OR4C46: variants seen among roughly 807,000 people sequenced by gnomAD.
OR4C46 encodes olfactory receptor 4C46.
In OR4C46, 17 loss-of-function variants were observed where a neutral mutation model predicts 11.8. The ratio of observed to expected loss-of-function variants is 1.44; its 90% confidence interval spans 0.98 to 2.16. The LOEUF (loss-of-function observed/expected upper bound fraction) is 2.16, where lower values mean the gene tolerates loss of function less well. OR4C46 is among the 30% of genes most tolerant of loss of function. OR4C46 has a pLI of 0.00. For synonymous variants in OR4C46, 224 were observed against 137.6 expected (o/e 1.63, Z -4.39); for missense variants, 606 against 372.1 (o/e 1.63, Z -5.17).
In OR4C46 at chr11:54,603,534, G is replaced by A. The variant is rs1283727803; in HGVS notation, c.465C>T (p.Thr155=). 3.1e-6 allele frequency: 5 copies of A among 1,613,626 alleles called. No homozygotes were observed. The Admixed American group carries it at 8.3e-5, about 27-fold the overall frequency. The part of the protein sequence containing the change: ...VVWMGGFLHA[T]IQILFIFQLP... ...ATTGGAAGATGAAGAGGATCTGTAT[G>A]GTTGCATGAAGAAAGCCTCCCATCC... is the stretch of plus-strand genomic sequence containing the variant. The change falls in exon 1 of 1, where the codon ACC becomes ACT. Residue 155 remains threonine, a synonymous_variant. Transcript: ENST00000328188.
Position 54,603,939 on chromosome 11 carries a change from C to T in OR4C46, c.60G>A (p.Lys20=), listed in dbSNP as rs1415714636. 1 of 1,613,822 alleles carries T rather than the reference C, an allele frequency of 6.2e-7. No individual in the cohort carries two copies. The highest frequency in any genetic ancestry group is 8.5e-7 in the Non-Finnish European group (1 of 1,179,756). Reference sequence around the variant, plus strand: ...ACACAACAAATATGATTTTCTGCATCTTTGGATTCTCTGTAAGCCCCAGCA... The same window carrying T: ...ACACAACAAATATGATTTTCTGCATTTTTGGATTCTCTGTAAGCCCCAGCA... ...FVLLGLTENP[K]MQKIIFVVFF... Residue 20 remains lysine (K), a synonymous_variant, in exon 1 of 1, where the codon AAG becomes AAA. Transcript: ENST00000328188.
At position 54,603,439 on chromosome 11, in the gene OR4C46, C is replaced by T; in HGVS notation, c.560G>A (p.Cys187Tyr). 6.2e-7 allele frequency: 1 copy of T among 1,613,694 alleles called. No homozygotes were observed. The highest frequency in any genetic ancestry group is 8.5e-7 in the Non-Finnish European group (1 of 1,179,760). ...GAGTTCCAGCATATGGGTGTCAGTG[C>T]AGGCGAGGTTGAGCAAAGGGTTCAG... ...CDLNPLLNLA[C>Y]TDTHMLELFI... The change falls in exon 1 of 1, where the codon TGC becomes TAC. Residue 187 changes from cysteine (C) to tyrosine (Y), a missense_variant. By Grantham distance (194) the Cys-to-Tyr change is radical. Transcript: ENST00000328188.
In OR4C46 at chr11:54,603,241, A is replaced by G. The variant is rs749955784; in HGVS notation, c.758T>C (p.Ile253Thr). 6.2e-7 allele frequency: 1 copy of G among 1,612,428 alleles called. No homozygotes were observed. The highest frequency in any genetic ancestry group is 1.7e-4 in the Middle Eastern group (1 of 6,054). Residue 253 changes from isoleucine (I) to threonine (T), a missense_variant, in exon 1 of 1, where the codon ATA becomes ACA. Coordinates refer to ENST00000328188, the MANE Select transcript of OR4C46 (RefSeq NM_001004703.1). ...AGCTGCAGGTCTCATGTACACAAAT[A>G]TGCAGGGCACAAAGAATAAGATGAC... ...TVVILFFVPC[I>T]FVYMRPAATL... is the part of the protein sequence containing the mutation.
In OR4C46 at chr11:54,603,395, C is replaced by A; in HGVS notation, c.604G>T (p.Gly202Ter). 6.2e-7 allele frequency: 1 copy of A among 1,613,740 alleles called. No individual in the cohort carries two copies. The highest frequency in any genetic ancestry group is 1.1e-5 in the South Asian group (1 of 91,058). The change falls in exon 1 of 1, where the codon GGA becomes TGA. Residue 202 changes from glycine to a stop codon, truncating the protein, a stop_gained. Transcript: ENST00000328188. LOFTEE classifies it high-confidence loss of function. ...MLELFIAANS[G>*]FICLLNFALL... is the part of the protein sequence containing the mutation. ...GCAAAGTTTAACAAGCAGATGAATC[C>A]ACTGTTGGCAGCAATGAAGAGTTCC...
At position 54,603,769 on chromosome 11, in the gene OR4C46, G is replaced by A. The variant is rs771873723; in HGVS notation, c.230C>T (p.Pro77Leu). The change falls in exon 1 of 1, where the codon CCT (proline) becomes CTT (leucine). Residue 77 changes from proline (P) to leucine (L), a missense_variant. Coordinates refer to ENST00000328188, the MANE Select transcript of OR4C46 (RefSeq NM_001004703.1). ...IDACYSSVNT[P>L]NLITHSLYGK... Reference sequence around the variant, plus strand: ...ATAGAGTGAATGTGTGATCAGGTTAGGGGTATTGACAGAGGAATAGCAGGC... The same window carrying A: ...ATAGAGTGAATGTGTGATCAGGTTAAGGGTATTGACAGAGGAATAGCAGGC... 3.1e-6 allele frequency: 5 copies of A among 1,613,736 alleles called. No homozygotes were observed. The highest frequency in any genetic ancestry group is 2.2e-5 in the East Asian group (1 of 44,868).
rs137991158 is a variant in OR4C46 at position 54,603,271 on chromosome 11, G to T, written c.728C>A (p.Thr243Lys). The change falls in exon 1 of 1, where the codon ACG (threonine) becomes AAG (lysine). Residue 243 changes from threonine to lysine, a missense_variant. By Grantham distance (78) the Thr-to-Lys change is moderately conservative. Coordinates refer to ENST00000328188, the MANE Select transcript of OR4C46 (RefSeq NM_001004703.1). ...KALSTCVSHI[T>K]VVILFFVPCI... ...GGGCACAAAGAATAAGATGACAACCGTGATGTGGGAGACACAGGTGGAGAG... is the reference window on the plus strand; with the variant it reads ...GGGCACAAAGAATAAGATGACAACCTTGATGTGGGAGACACAGGTGGAGAG... 25 of 1,613,180 alleles carry T rather than the reference G, an allele frequency of 1.5e-5. No homozygotes were observed. The highest frequency in any genetic ancestry group is 2.0e-5 in the Non-Finnish European group (23 of 1,179,398).
In OR4C46 at chr11:54,603,271, G is replaced by A. The variant is rs137991158; in HGVS notation, c.728C>T (p.Thr243Met). ...KALSTCVSHITVVILFFVPCI... is the reference protein window; with the variant it reads ...KALSTCVSHIMVVILFFVPCI... ...GGGCACAAAGAATAAGATGACAACC[G>A]TGATGTGGGAGACACAGGTGGAGAG... is the stretch of plus-strand genomic sequence containing the variant. The change falls in exon 1 of 1, where the codon ACG becomes ATG. Residue 243 changes from threonine to methionine, a missense_variant. Physicochemically the swap from Thr to Met is moderately conservative, Grantham distance 81. Transcript: ENST00000328188. 34 of 1,613,294 alleles carry A rather than the reference G, an allele frequency of 2.1e-5. 1 individual carries two copies. The highest frequency in any genetic ancestry group is 2.0e-4 in the Admixed American group (12 of 59,982).
rs371690134 is a variant in OR4C46, at chr11:54,603,344, T to C, written c.655A>G (p.Ile219Val). ...CTATGAGTCCTTAGGGAGCACAAGATGACCACATAGGAGACCAGCAGGAGG... is the reference window on the plus strand; with the variant it reads ...CTATGAGTCCTTAGGGAGCACAAGACGACCACATAGGAGACCAGCAGGAGG... ...FALLLVSYVV[I>V]LCSLRTHSLE... The change falls in exon 1 of 1, where the codon ATC (isoleucine) becomes GTC (valine). Residue 219 changes from isoleucine (I) to valine (V), a missense_variant. Coordinates refer to ENST00000328188, the MANE Select transcript of OR4C46 (RefSeq NM_001004703.1). 9.9e-6 allele frequency: 16 copies of C among 1,613,692 alleles called. No individual in the cohort carries two copies. The highest frequency in any genetic ancestry group is 1.4e-5 in the Non-Finnish European group (16 of 1,179,840).
At position 54,603,508 on chromosome 11, in the gene OR4C46, A is replaced by T; in HGVS notation, c.491T>A (p.Leu164Ter). The part of the protein sequence containing the change: ...ATIQILFIFQ[L>*]PFCGPNVIDH... ...TATGACATTAGGACCACAGAAAGGT[A>T]ATTGGAAGATGAAGAGGATCTGTAT... Residue 164 changes from leucine to a stop codon, truncating the protein, a stop_gained, in exon 1 of 1, where the codon TTA (leucine) becomes TAA (stop). Coordinates refer to ENST00000328188, the MANE Select transcript of OR4C46 (RefSeq NM_001004703.1). LOFTEE classifies it high-confidence loss of function. 6.2e-7 allele frequency: 1 copy of T among 1,613,698 alleles called. No homozygotes were observed. The highest frequency in any genetic ancestry group is 8.5e-7 in the Non-Finnish European group (1 of 1,179,674).
At position 54,603,911 on chromosome 11, in the gene OR4C46, A is replaced by C. The variant is rs1277721970; in HGVS notation, c.88T>G (p.Phe30Val). The C allele has an allele frequency of 6.2e-7, 1 of 1,613,704 alleles. No homozygotes were observed. The highest frequency in any genetic ancestry group is 8.5e-7 in the Non-Finnish European group (1 of 1,179,836). ...KMQKIIFVVF[F>V]VIYIITVVGY... ...ACCACAGTGATGATATAGATGACAA[A>C]AAACACAACAAATATGATTTTCTGC... Residue 30 changes from phenylalanine to valine, a missense_variant, in exon 1 of 1, where the codon TTT (phenylalanine) becomes GTT (valine). By Grantham distance (50) the Phe-to-Val change is conservative. Coordinates refer to ENST00000328188, the MANE Select transcript of OR4C46 (RefSeq NM_001004703.1).
At position 54,603,823 on chromosome 11, in the gene OR4C46, A is replaced by G. The variant is rs755794716; in HGVS notation, c.176T>C (p.Leu59Pro). 1.9e-6 allele frequency: 3 copies of G among 1,613,634 alleles called. No individual in the cohort carries two copies. The highest frequency in any genetic ancestry group is 1.7e-6 in the Non-Finnish European group (2 of 1,179,836). The change falls in exon 1 of 1, where the codon CTT becomes CCT. Residue 59 changes from leucine (L) to proline (P), a missense_variant. Coordinates refer to ENST00000328188, the MANE Select transcript of OR4C46 (RefSeq NM_001004703.1). ...ASPSLGSPMY[L>P]SLAYLSFIDA... ...AATAAAGGAGAGATAGGCCAGGGAA[A>G]GGTACATGGGGGACCCCAGTGATGG... is the stretch of plus-strand genomic sequence containing the variant.
In OR4C46 at chr11:54,603,585, C is replaced by T. The variant is rs755817942; in HGVS notation, c.414G>A (p.Val138=). The T allele has an allele frequency of 3.7e-6, 6 of 1,614,130 alleles. No homozygotes were observed. The South Asian group carries it at 6.6e-5, about 18-fold the overall frequency. ...ACACCACTCCCATTAGCAGGGCACACACACACTGGTTCATGATAGTCATAT... is the reference window on the plus strand; with the variant it reads ...ACACCACTCCCATTAGCAGGGCACATACACACTGGTTCATGATAGTCATAT... ...LHYMTIMNQC[V]CALLMGVVWM... Residue 138 remains valine (V), a synonymous_variant, in exon 1 of 1, where the codon GTG becomes GTA. Transcript: ENST00000328188.
In OR4C46 at chr11:54,603,320, TATGAGTCCTTAGGGAG is replaced by T; in HGVS notation, c.663_678del (p.Cys221Ter). 3 of 1,613,726 alleles carry T rather than the reference TATGAGTCCTTAGGGAG, an allele frequency of 1.9e-6. No individual in the cohort carries two copies. Among genetic ancestry groups the T allele is most frequent in the Non-Finnish European group, 2.5e-6 (3 of 1,179,812 alleles). ...AGGGCTTTGTGCCTTGCCTCCAAGC[TATGAGTCCTTAGGGAG>T]CACAAGATGACCACATAGGAGACCA... On this transcript the variant is annotated frameshift_variant, in exon 1 of 1. Transcript: ENST00000328188. LOFTEE classifies it high-confidence loss of function.
chr11:54,603,874 A>G lies in OR4C46; in HGVS notation c.125T>C (p.Leu42Pro). 1 of 1,613,674 alleles carries G rather than the reference A, an allele frequency of 6.2e-7. No individual in the cohort carries two copies. ...GCTGGCAGTGATGGTGACCACAATGAGCACATATCCCACCACAGTGATGAT... is the reference window on the plus strand; with the variant it reads ...GCTGGCAGTGATGGTGACCACAATGGGCACATATCCCACCACAGTGATGAT... ...IYIITVVGYVLIVVTITASPS... is the reference protein window; with the variant it reads ...IYIITVVGYVPIVVTITASPS... The change falls in exon 1 of 1, where the codon CTC (leucine) becomes CCC (proline). Residue 42 changes from leucine (L) to proline (P), a missense_variant. Transcript: ENST00000328188.
At position 54,603,876 on chromosome 11, in the gene OR4C46, C is replaced by G; in HGVS notation, c.123G>C (p.Val41=). 1 of 1,613,546 alleles carries G rather than the reference C, an allele frequency of 6.2e-7. No homozygotes were observed. Among genetic ancestry groups the G allele is most frequent in the Non-Finnish European group, 8.5e-7 (1 of 1,179,794 alleles). Residue 41 remains valine, a synonymous_variant, in exon 1 of 1, where the codon GTG becomes GTC. Coordinates refer to ENST00000328188, the MANE Select transcript of OR4C46 (RefSeq NM_001004703.1). ...TGGCAGTGATGGTGACCACAATGAG[C>G]ACATATCCCACCACAGTGATGATAT... ...VIYIITVVGY[V]LIVVTITASP... is the part of the protein sequence containing the mutation.
Position 54,603,233 on chromosome 11 carries a change from A to G in OR4C46, c.766T>C (p.Tyr256His). 4 of 1,611,872 alleles carry G rather than the reference A, an allele frequency of 2.5e-6. No individual in the cohort carries two copies. Among genetic ancestry groups the G allele is most frequent in the Non-Finnish European group, 3.4e-6 (4 of 1,178,136 alleles). The change falls in exon 1 of 1, where the codon TAC becomes CAC. Residue 256 changes from tyrosine to histidine, a missense_variant. Tyr to His is a moderately conservative substitution (Grantham distance 83). Coordinates refer to ENST00000328188, the MANE Select transcript of OR4C46 (RefSeq NM_001004703.1). The part of the protein sequence containing the change: ...ILFFVPCIFV[Y>H]MRPAATLPID... ...GGTAAAGTAGCTGCAGGTCTCATGT[A>G]CACAAATATGCAGGGCACAAAGAAT...
chr11:54,603,329 T>A lies in OR4C46; in HGVS notation c.670A>T (p.Arg224Trp). 6.2e-7 allele frequency: 1 copy of A among 1,613,670 alleles called. No homozygotes were observed. Among genetic ancestry groups the A allele is most frequent in the South Asian group, 1.1e-5 (1 of 91,048 alleles). The change falls in exon 1 of 1, where the codon AGG (arginine) becomes TGG (tryptophan). Residue 224 changes from arginine to tryptophan, a missense_variant. Arg to Trp is a moderately radical substitution (Grantham distance 101, BLOSUM62 -3). Transcript: ENST00000328188. ...TGCCTTGCCTCCAAGCTATGAGTCCTTAGGGAGCACAAGATGACCACATAG... is the reference window on the plus strand; with the variant it reads ...TGCCTTGCCTCCAAGCTATGAGTCCATAGGGAGCACAAGATGACCACATAG... ...VSYVVILCSL[R>W]THSLEARHKA...
At position 54,603,609 on chromosome 11, in the gene OR4C46, A is replaced by G. The variant is rs768865703; in HGVS notation, c.390T>C (p.Tyr130=). 1 of 1,614,152 alleles carries G rather than the reference A, an allele frequency of 6.2e-7. No individual in the cohort carries two copies. The highest frequency in any genetic ancestry group is 8.5e-7 in the Non-Finnish European group (1 of 1,180,014). The change falls in exon 1 of 1, where the codon TAT becomes TAC. Residue 130 remains tyrosine (Y), a synonymous_variant. Transcript: ENST00000328188. ...HYVAICKPLH[Y]MTIMNQCVCA... is the part of the protein sequence containing the mutation. ...ACACACACTGGTTCATGATAGTCAT[A>G]TAGTGCAAGGGCTTGCAGATGGCCA...
At position 54,603,743 on chromosome 11, in the gene OR4C46, C is replaced by T. The variant is rs2119977603; in HGVS notation, c.256G>A (p.Gly86Arg). The change falls in exon 1 of 1, where the codon GGA becomes AGA. Residue 86 changes from glycine (G) to arginine (R), a missense_variant. Physicochemically the swap from Gly to Arg is moderately radical, Grantham distance 125. Coordinates refer to ENST00000328188, the MANE Select transcript of OR4C46 (RefSeq NM_001004703.1). Reference protein sequence around the residue: ...TPNLITHSLYGKKAILFNGCM... With the variant: ...TPNLITHSLYRKKAILFNGCM... ...CCATTGAATAGGATGGCCTTCTTTC[C>T]ATAGAGTGAATGTGTGATCAGGTTA... 2 of 1,613,894 alleles carry T rather than the reference C, an allele frequency of 1.2e-6. No individual in the cohort carries two copies.
Sources: gnomAD v4.1 joint callset for allele counts on GRCh38, gnomAD v4.1.1 for gene constraint, MANE v1.5 for transcripts, NCBI Gene and HGNC (gene_info 2026-07-23, HGNC 2026-07-21) for gene names.